The following SORCS1 variants were observed in gnomAD, a reference collection of about 807,000 sequenced individuals.
The protein encoded by SORCS1 is sortilin related VPS10 domain containing receptor 1.
A neutral mutation model predicts 146.1 loss-of-function variants in SORCS1; 60 were observed. The observed-to-expected ratio is 0.41, with a 90% CI of 0.33 to 0.51. The LOEUF (loss-of-function observed/expected upper bound fraction) is 0.51. Among genes scored for constraint, SORCS1 ranks in the 20% least tolerant of loss-of-function variants. SORCS1 has a pLI of 0.21. For missense variants in SORCS1, 1,352 were observed against 1,487.6 expected, an observed-to-expected ratio of 0.91 and a Z score of 1.50; for synonymous variants, 637 against 584.0, an observed-to-expected ratio of 1.09 and a Z score of -1.31.
At chr10:106,803,738 G>A (rs1268291504) in intron 3 of SORCS1, among the ~76,000 whole-genome samples, 4 of 152,176 alleles carry the variant, frequency 2.6e-5, no homozygotes, top group Non-Finnish European at 5.9e-5. Flanking sequence ...AAGAGTTTCT[G>A]AATGTAGTGT....
At chr10:106,967,742 GGA>G (rs1404776961) in intron 1 of SORCS1, among the ~76,000 whole-genome samples, 1 of 152,074 alleles carries the variant, frequency 6.6e-6, no homozygotes, top group African/African-American at 2.4e-5. Context: ...GCTTAGAAGG[GGA>G]GAGAGATTAT....
intron 1 of SORCS1, among the ~76,000 whole-genome samples, chr10:107,086,912 C>T (rs1963806300): frequency 6.6e-6 from 1 of 152,168 alleles, no homozygotes; most frequent in Non-Finnish European, 1.5e-5. Context: ...ACCTGTAGTC[C>T]CAGCTACTCG....
At chr10:106,777,925 A>G (rs78782521) in intron 3 of SORCS1, among the ~76,000 whole-genome samples, 1,549 of 152,300 alleles carry the variant, frequency 0.01, 8 homozygotes, top group Middle Eastern at 0.017. Flanking sequence ...GTGTTGCTGT[A>G]TGAAAAGAAA....
At chr10:106,922,891 CTTTT>C (rs55880802) in intron 2 of SORCS1, among the ~76,000 whole-genome samples, 9 of 112,448 alleles carry the variant, frequency 8.0e-5, no homozygotes, top group Non-Finnish European at 5.8e-5. Flanking sequence ...GCAGCCTTTT[CTTTT>C]TTTTTTTTTT....
intron 24 of SORCS1, among the ~76,000 whole-genome samples, chr10:106,581,857 C>A (rs1844938731): frequency 6.6e-6 from 1 of 152,146 alleles, no homozygotes; most frequent in African/African-American, 2.4e-5. Context: ...AGGCAATATT[C>A]TAATGCAAAC....
At chr10:106,868,914 A>G (rs1390291583) in intron 2 of SORCS1, among the ~76,000 whole-genome samples, 1 of 152,164 alleles carries the variant, frequency 6.6e-6, no homozygotes, top group Non-Finnish European at 1.5e-5. Context: ...TTGTTTTTTG[A>G]AAACATTAGT....
chr10:106,927,547 TGCTA>T (rs1344732521), intron 2 of SORCS1, among the ~76,000 whole-genome samples: 1 of 152,266 alleles, frequency 6.6e-6, no homozygotes, highest in African/African-American at 2.4e-5. Context: ...GGGTTGCCAC[TGCTA>T]GCTCGGGCAG....
At chr10:106,672,081 C>G (rs1851650336) in intron 15 of SORCS1, among the ~76,000 whole-genome samples, 3 of 152,178 alleles carry the variant, frequency 2.0e-5, no homozygotes, top group Admixed American at 2.0e-4. Context: ...TAGAATTTTG[C>G]TTTATCTACT....
intron 1 of SORCS1, among the ~76,000 whole-genome samples, chr10:106,965,341 C>A (rs565969346): frequency 2.4e-4 from 37 of 152,224 alleles, no homozygotes; most frequent in African/African-American, 8.2e-4. Context: ...CAGGATCCTG[C>A]CACATGCCCA....
intron 2 of SORCS1, among the ~76,000 whole-genome samples, chr10:106,916,752 T>C (rs1189298509): frequency 2.0e-5 from 3 of 151,872 alleles, no homozygotes; most frequent in Admixed American, 2.0e-4. Context: ...CTTTCCAATT[T>C]TTCTTTTATT....
At chr10:106,978,322 C>T (rs1246349050) in intron 1 of SORCS1, among the ~76,000 whole-genome samples, 2 of 151,988 alleles carry the variant, frequency 1.3e-5, no homozygotes, top group East Asian at 3.9e-4. Flanking sequence ...TAGAGGATGG[C>T]CTTTGTGAGT....
intron 2 of SORCS1, among the ~76,000 whole-genome samples, chr10:106,837,284 A>C: frequency 6.6e-6 from 1 of 152,140 alleles, no homozygotes; most frequent in East Asian, 1.9e-4. Context: ...ACCAAGAAAA[A>C]ATAGAAAAGA....
intron 20 of SORCS1, among the ~76,000 whole-genome samples, chr10:106,618,982 A>C (rs1847563443): frequency 6.6e-6 from 1 of 152,194 alleles, no homozygotes; most frequent in Admixed American, 6.5e-5. Context: ...CTCCCTTGAC[A>C]CACTCCTCAC....
chr10:106,853,191 T>C (rs568905433), intron 2 of SORCS1, among the ~76,000 whole-genome samples: 1 of 152,298 alleles, frequency 6.6e-6, no homozygotes, highest in East Asian at 1.9e-4. Context: ...CTTATGTGAG[T>C]TTTGGCAGAT....
At chr10:106,774,053 ATG>A (rs1860241186) in intron 4 of SORCS1, among the ~76,000 whole-genome samples, 1 of 152,204 alleles carries the variant, frequency 6.6e-6, no homozygotes, top group Non-Finnish European at 1.5e-5. Flanking sequence ...CTTTGAGAAA[ATG>A]TGTTAACCTC....
At chr10:106,729,891 G>C (rs1399508145) in intron 6 of SORCS1, among the ~76,000 whole-genome samples, 159 bp downstream of exon 6, 1 of 152,102 alleles carries the variant, frequency 6.6e-6, no homozygotes, top group Non-Finnish European at 1.5e-5. Context: ...CTAGCTTAGA[G>C]TCAAAAGAAG....
chr10:106,605,754 C>T (rs1332941518), intron 23 of SORCS1, among the ~76,000 whole-genome samples: 1 of 152,154 alleles, frequency 6.6e-6, no homozygotes, highest in Non-Finnish European at 1.5e-5. Context: ...TGGGGTTCAA[C>T]AGGGCTTTCC....
At chr10:106,744,051 C>G (rs1857545637) in intron 5 of SORCS1, among the ~76,000 whole-genome samples, 1 of 152,128 alleles carries the variant, frequency 6.6e-6, no homozygotes, top group African/African-American at 2.4e-5. Context: ...GTTGACTTAA[C>G]TAGTTTTCTG....
intron 23 of SORCS1, among the ~76,000 whole-genome samples, chr10:106,605,026 G>T (rs1846476577): frequency 6.6e-6 from 1 of 152,244 alleles, no homozygotes; most frequent in Admixed American, 6.5e-5. Flanking sequence ...GAAACTGGTT[G>T]ATATTTACGT....
Sources: gnomAD v4.1 joint callset for allele counts (sites outside exome capture counted in the v4.1 genomes callset) on GRCh38, gnomAD v4.1.1 for gene constraint, MANE v1.5 for transcripts, NCBI Gene and HGNC (gene_info 2026-07-23, HGNC 2026-07-21) for gene names.